Variants in GP2 observed in about 807,000 individuals in gnomAD.
The protein encoded by GP2 is glycoprotein 2, also known as pancreatic secretory granule membrane major glycoprotein GP2.
A neutral mutation model predicts 60.8 loss-of-function variants in GP2; 58 were observed. The observed-to-expected ratio is 0.95, with a 90% confidence interval of 0.77 to 1.19. GP2 has a LOEUF of 1.19. GP2 is among the 50% of genes most tolerant of loss of function. The pLI is 0.00. For synonymous variants in GP2, 280 were observed against 253.4 expected, an observed-to-expected ratio of 1.10 and a Z score of -1.00; for missense variants, 647 against 667.4, an observed-to-expected ratio of 0.97 and a Z score of 0.34.
intron 7 of GP2, among the ~76,000 whole-genome samples, chr16:20,317,973 G>A (rs1018757163): frequency 6.6e-6 from 1 of 152,048 alleles, no homozygotes; most frequent in African/African-American, 2.4e-5. Flanking sequence ...AGTTATCAAC[G>A]ATATTGAAAT....
At position 20,319,775 on chromosome 16, in the gene GP2, CA is replaced by C. The variant is rs1300442715; in HGVS notation, c.859-8del. 4 of 1,604,310 alleles carry C rather than the reference CA, an allele frequency of 2.5e-6. No individual in the cohort carries two copies. The highest frequency in any genetic ancestry group is 1.3e-5 in the African/African-American group (1 of 74,426). On this transcript the variant is annotated splice_polypyrimidine_tract_variant and splice_region_variant and intron_variant, in intron 5 of 10. Transcript: ENST00000302555. Reference sequence around the variant, plus strand: ...TGGCATGGGTTTGATTTCTCTTTGGCAAAAAAACAAAACCATACAGATGTTT... The same window carrying C: ...TGGCATGGGTTTGATTTCTCTTTGGCAAAAAACAAAACCATACAGATGTTT...
intron 9 of GP2, among the ~76,000 whole-genome samples, chr16:20,315,602 A>T (rs1964140490): frequency 6.6e-6 from 1 of 152,202 alleles, no homozygotes; most frequent in African/African-American, 2.4e-5. Flanking sequence ...CATGTTTTGG[A>T]ATCAGACTGA....
At chr16:20,314,798 A>G in intron 9 of GP2, 97 bp from the exon 10 acceptor site, 3 of 870,262 alleles carry the variant, frequency 3.4e-6, no homozygotes, top group South Asian at 2.7e-5. Flanking sequence ...AGACCTGGCC[A>G]TCGCAACCAC....
rs528697414 is a variant in GP2, at chr16:20,317,628, C to A, written c.1254-253G>T. Among the ~76,000 whole-genome samples the A allele has an allele frequency of 3.0e-4, 45 of 152,306 alleles. No homozygotes were observed. In the South Asian group the frequency reaches 8.5e-3, roughly 29 times the overall value. ...ATTATGGGCAGGTTACTCATCCTTA[C>A]TGAACCTTACTTTTCTTATCTGTAA... On this transcript the variant is annotated intron_variant, in intron 7 of 10. Transcript: ENST00000302555.
In GP2 at chr16:20,313,206, CCCTATAAATATGTAAAAAA is replaced by C. The variant is rs1596517084; in HGVS notation, c.1546+1432_1546+1450del. On this transcript the variant is annotated intron_variant, in intron 10 of 10. Coordinates refer to ENST00000302555, the MANE Select transcript of GP2 (RefSeq NM_001502.4). ...TTTTGTCCAAGACATATTTCTAGTA[CCCTATAAATATGTAAAAAA>C]ATGTAAAAATGTTCTCTCTCTCTCT... Among the ~76,000 whole-genome samples the C allele has an allele frequency of 3.3e-5, 5 of 152,102 alleles. No homozygotes were observed. In the East Asian group the frequency reaches 7.7e-4, roughly 24 times the overall value.
rs1426540874 is a variant in GP2 at position 20,317,298 on chromosome 16, A to G, written c.1331T>C (p.Met444Thr). ...GTCATAATGTCCAGCAAACATGAAC[A>G]TCTGAACTGAGAACCGGCTTTCCGA... ...QSSESRFSVQMFMFAGHYDLV... is the reference protein window; with the variant it reads ...QSSESRFSVQTFMFAGHYDLV... Residue 444 changes from methionine (M) to threonine (T), a missense_variant, in exon 8 of 11, where the codon ATG (methionine) becomes ACG (threonine). Physicochemically the swap from Met to Thr is moderately conservative, Grantham distance 81. Transcript: ENST00000302555. 1.9e-6 allele frequency: 3 copies of G among 1,613,108 alleles called. No individual in the cohort carries two copies. The African/African-American group carries it at 4.0e-5, about 22-fold the overall frequency.
At chr16:20,316,285 T>C (rs1419251062) in intron 8 of GP2, among the ~76,000 whole-genome samples, 1 of 152,232 alleles carries the variant, frequency 6.6e-6, no homozygotes, top group African/African-American at 2.4e-5. Flanking sequence ...CCAATGACTT[T>C]GCCTTTCTAC....
chr16:20,323,665 C>A, intron 3 of GP2, 151 bp downstream of exon 3: 1 of 621,094 alleles, frequency 1.6e-6, no homozygotes, highest in Non-Finnish European at 2.9e-6. Context: ...AAGGTCTCAA[C>A]CCCTGTGTTG....
At chr16:20,321,303 C>G (rs909964677) in intron 4 of GP2, among the ~76,000 whole-genome samples, 4 of 152,090 alleles carry the variant, frequency 2.6e-5, no homozygotes, top group African/African-American at 9.7e-5. Flanking sequence ...CTCAAGCGAT[C>G]TGCCGGCCTC....
intron 4 of GP2, among the ~76,000 whole-genome samples, chr16:20,321,597 A>G (rs1214232811): frequency 6.6e-6 from 1 of 152,226 alleles, no homozygotes; most frequent in Non-Finnish European, 1.5e-5. Context: ...AAACGTGGGT[A>G]GGAGTTTTGC....
Position 20,319,669 on chromosome 16 carries a change from GGTA to G in GP2, c.955_957del (p.Tyr319del). The stretch of plus-strand genomic sequence containing the variant: ...TGGAGGCTGACTTTCATGTCCAGTG[GGTA>G]GGCACATTGGAAGTTGATGTTGAGG... On this transcript the variant is annotated inframe_deletion, in exon 6 of 11. Transcript: ENST00000302555. 6.2e-7 allele frequency: 1 copy of G among 1,607,382 alleles called. No homozygotes were observed. Among genetic ancestry groups the G allele is most frequent in the Non-Finnish European group, 8.5e-7 (1 of 1,173,844 alleles).
rs988643318 is a variant in GP2, at chr16:20,315,821, A to G, written c.1501+135T>C. ...GTCATTATTACCCAAAGCATCTCAA[A>G]GAATAGGTTTTTCAGTAAGGGTCAG... On this transcript the variant is annotated intron_variant, in intron 9 of 10. Transcript: ENST00000302555. 7.5e-5 allele frequency: 50 copies of G among 669,200 alleles called. No homozygotes were observed. The East Asian group carries it at 1.2e-3, about 16-fold the overall frequency. The allele number at this position is 669,200 out of a possible 1,614,324, so 41.5% of individuals were successfully genotyped here. A position where few individuals can be genotyped will look rare whatever the true frequency, so the allele number is the denominator to read the frequency against.
At chr16:20,320,154 G>T in intron 5 of GP2, 108 bp downstream of exon 5, 2 of 795,200 alleles carry the variant, frequency 2.5e-6, no homozygotes, top group Non-Finnish European at 4.3e-6. Context: ...ACACAACCCT[G>T]GGGGCTCAGG....
chr16:20,315,900 T>C, intron 9 of GP2, 56 bp downstream of exon 9: 1 of 1,050,858 alleles, frequency 9.5e-7, no homozygotes, highest in Admixed American at 1.7e-5. Flanking sequence ...CAGGCATCTG[T>C]GGTTAACTGT....
rs375267241 is a variant in GP2 at position 20,318,313 on chromosome 16, G to A, written c.1125C>T (p.Ser375=). Residue 375 remains serine (S), a synonymous_variant, in exon 7 of 11, where the codon TCC becomes TCT. Coordinates refer to ENST00000302555, the MANE Select transcript of GP2 (RefSeq NM_001502.4). ...EGDAVELSVE[S]VLYVGAILEQ... ...CCAAGATGGCACCCACATACAGCAC[G>A]GACTCAACAGACAGTTCAACTGCAT... 31 of 1,613,642 alleles carry A rather than the reference G, an allele frequency of 1.9e-5. No individual in the cohort carries two copies. The highest frequency in any genetic ancestry group is 1.6e-4 in the South Asian group (15 of 91,080).
chr16:20,316,169 C>T (rs75747999), intron 8 of GP2, 129 bp from the exon 9 acceptor site: 25,699 of 591,668 alleles, frequency 0.043, 1,899 homozygotes, highest in African/African-American at 0.25. Flanking sequence ...GCCCTAATTC[C>T]GATGCTGTGG....
intron 2 of GP2, among the ~76,000 whole-genome samples, chr16:20,325,931 C>G (rs1964518776): frequency 6.6e-6 from 1 of 152,192 alleles, no homozygotes; most frequent in African/African-American, 2.4e-5. Flanking sequence ...TAATTCTAAG[C>G]CTGAGACTCC....
In GP2 at chr16:20,326,467, G is replaced by A. The variant is rs1040303688; in HGVS notation, c.-36C>T. 1.9e-6 allele frequency: 3 copies of A among 1,609,296 alleles called. No individual in the cohort carries two copies. The highest frequency in any genetic ancestry group is 1.7e-6 in the Non-Finnish European group (2 of 1,176,526). ...TTGCTGTATGCAGACTTCCCATGCA[G>A]CTATGGGAAAGAAAAGACCAAGATA... On this transcript the variant is annotated splice_region_variant and 5_prime_UTR_variant, in exon 2 of 11. Transcript: ENST00000302555.
intron 5 of GP2, 52 bp downstream of exon 5, chr16:20,320,209 TC>T: frequency 7.8e-7 from 1 of 1,276,974 alleles, no homozygotes; most frequent in Non-Finnish European, 1.1e-6. Context: ...CTATGATAGG[TC>T]CCATCAGCCC....
Sources: allele counts gnomAD v4.1 joint callset (sites outside exome capture counted in the v4.1 genomes callset), GRCh38; gene constraint gnomAD v4.1.1; transcripts MANE v1.5; gene names NCBI Gene and HGNC (gene_info 2026-07-23, HGNC 2026-07-21).